The following SLC25A21 variants were observed in gnomAD, a reference collection of about 807,000 sequenced individuals.
SLC25A21 encodes solute carrier family 25 member 21, also known as mitochondrial 2-oxodicarboxylate carrier.
A neutral mutation model predicts 43.8 loss-of-function variants in SLC25A21; 47 were observed. That is an observed-to-expected ratio of 1.07 (90% CI 0.85 to 1.37). The LOEUF (loss-of-function observed/expected upper bound fraction) is 1.37, where lower values mean the gene tolerates loss of function less well. Among genes scored for constraint, SLC25A21 ranks in the 40% most tolerant of loss-of-function variants. The pLI, the probability that SLC25A21 is intolerant of heterozygous loss-of-function variation, is 0.00. For synonymous variants in SLC25A21, 131 were observed against 121.3 expected, an observed-to-expected ratio of 1.08 and a Z score of -0.52; for missense variants, 352 against 350.2, an observed-to-expected ratio of 1.00 and a Z score of -0.04.
chr14:36,780,906 T>C (rs1470214180), intron 3 of SLC25A21, among the ~76,000 whole-genome samples: 7 of 152,104 alleles, frequency 4.6e-5, no homozygotes, highest in Non-Finnish European at 7.4e-5. Context: ...GATCTATCCA[T>C]TGTTGCAAGT....
chr14:36,998,323 T>C (rs1960415590), intron 1 of SLC25A21, among the ~76,000 whole-genome samples: 1 of 152,166 alleles, frequency 6.6e-6, no homozygotes, highest in Non-Finnish European at 1.5e-5. Context: ...ACAGAAAATA[T>C]GCTGGAAAAT....
chr14:36,945,144 C>G (rs1892649958), intron 1 of SLC25A21, among the ~76,000 whole-genome samples: 1 of 152,072 alleles, frequency 6.6e-6, no homozygotes, highest in Non-Finnish European at 1.5e-5. Flanking sequence ...AAGTGGTTAC[C>G]CAGTCCATCA....
intron 2 of SLC25A21, among the ~76,000 whole-genome samples, chr14:36,834,264 T>C (rs1889132591): frequency 6.6e-6 from 1 of 152,214 alleles, no homozygotes; most frequent in African/African-American, 2.4e-5. Flanking sequence ...AAACTGACTT[T>C]CGATCAGGCA....
At chr14:36,983,371 T>C (rs894404141) in intron 1 of SLC25A21, among the ~76,000 whole-genome samples, 1 of 152,164 alleles carries the variant, frequency 6.6e-6, no homozygotes, top group African/African-American at 2.4e-5. Flanking sequence ...ACCTACTATA[T>C]GCCAGACATT....
chr14:36,728,370 T>C (rs1027059387), intron 5 of SLC25A21, among the ~76,000 whole-genome samples: 3 of 152,208 alleles, frequency 2.0e-5, no homozygotes, highest in Non-Finnish European at 4.4e-5. Flanking sequence ...GCTGGCCCTC[T>C]GGAGACAATA....
chr14:36,908,513 G>A (rs867710657), intron 1 of SLC25A21, among the ~76,000 whole-genome samples: 16 of 152,266 alleles, frequency 1.1e-4, no homozygotes, highest in African/African-American at 3.1e-4. Flanking sequence ...ATTATGCACC[G>A]CACTATCCAG....
At chr14:36,782,951 A>G (rs1887119087) in intron 3 of SLC25A21, among the ~76,000 whole-genome samples, 1 of 125,032 alleles carries the variant, frequency 8.0e-6, no homozygotes, top group South Asian at 2.8e-4. Flanking sequence ...TTAAAGTATA[A>G]TAAAAAAATA....
At chr14:36,893,612 C>T (rs562643323) in intron 1 of SLC25A21, among the ~76,000 whole-genome samples, 1 of 152,250 alleles carries the variant, frequency 6.6e-6, no homozygotes, top group South Asian at 2.1e-4. Flanking sequence ...ACATGAAGTC[C>T]TTGTCCATGC....
chr14:36,740,058 G>C (rs992946020), intron 3 of SLC25A21, among the ~76,000 whole-genome samples: 1 of 152,160 alleles, frequency 6.6e-6, no homozygotes, highest in African/African-American at 2.4e-5. Flanking sequence ...AGATGCCTGT[G>C]GACTGCAGCC....
In SLC25A21 at chr14:37,032,713, A is replaced by C. The variant is rs555804327; in HGVS notation, c.70+139568T>G. ...GAGAACAGATGAAACAAGATGGGGA[A>C]ATTTGTAACTGTCATTATAATTTAA... On this transcript the variant is annotated intron_variant, in intron 1 of 9. Transcript: ENST00000331299. Among the ~76,000 whole-genome samples, 5 of 152,084 alleles carry C rather than the reference A, an allele frequency of 3.3e-5. No individual in the cohort carries two copies. The South Asian group carries it at 1.0e-3, about 32-fold the overall frequency.
intron 3 of SLC25A21, among the ~76,000 whole-genome samples, chr14:36,740,847 C>A (rs372501089): frequency 7.9e-4 from 120 of 152,112 alleles, no homozygotes; most frequent in African/African-American, 2.8e-3. Context: ...TTTAGGTTAC[C>A]CTGTTTTTAA....
chr14:37,111,236 CA>C (rs1963014145), intron 1 of SLC25A21, among the ~76,000 whole-genome samples: 1 of 152,096 alleles, frequency 6.6e-6, no homozygotes, highest in South Asian at 2.1e-4. Context: ...CTGCTGTGGA[CA>C]AAAAGGCAGC....
At position 36,678,656 on chromosome 14, in the gene SLC25A21, A is replaced by C; in HGVS notation, c.*2002T>G. On this transcript the variant is annotated 3_prime_UTR_variant, in exon 10 of 10. Coordinates refer to ENST00000331299, the MANE Select transcript of SLC25A21 (RefSeq NM_030631.4). Reference sequence around the variant, plus strand: ...TTTTAGGTGGCTGTTAGGGGGCTTTAAAAAATATTACTTGCTTGTGTGGAA... The same window carrying C: ...TTTTAGGTGGCTGTTAGGGGGCTTTCAAAAATATTACTTGCTTGTGTGGAA... 8.0e-7 allele frequency: 1 copy of C among 1,251,090 alleles called. No individual in the cohort carries two copies. 77.5% of individuals were successfully genotyped at this position (1,251,090 alleles called of 1,614,324 possible). A position where few individuals can be genotyped will look rare whatever the true frequency, so the allele number is the denominator to read the frequency against.
At chr14:36,900,653 A>G (rs17177739) in intron 1 of SLC25A21, among the ~76,000 whole-genome samples, 5,536 of 152,228 alleles carry the variant, frequency 0.036, 170 homozygotes, top group African/African-American at 0.08. Flanking sequence ...GCAAACTTGG[A>G]AAGGAAATGA....
At chr14:36,706,130 C>T (rs1232134026) in intron 7 of SLC25A21, among the ~76,000 whole-genome samples, 1 of 152,028 alleles carries the variant, frequency 6.6e-6, no homozygotes, top group East Asian at 1.9e-4. Context: ...AAACACCCAC[C>T]AGTGTTCATT....
intron 1 of SLC25A21, among the ~76,000 whole-genome samples, chr14:36,972,401 G>A: frequency 6.6e-6 from 1 of 152,068 alleles, no homozygotes; most frequent in Non-Finnish European, 1.5e-5. Flanking sequence ...GGATACCAAG[G>A]AAAATATAAG....
intron 1 of SLC25A21, among the ~76,000 whole-genome samples, chr14:36,956,266 G>A (rs1279504214): frequency 6.6e-6 from 1 of 152,112 alleles, no homozygotes; most frequent in Non-Finnish European, 1.5e-5. Context: ...CATAGTACAC[G>A]CAGTTTATTT....
At chr14:36,989,404 A>T (rs1431541195) in intron 1 of SLC25A21, among the ~76,000 whole-genome samples, 1 of 152,064 alleles carries the variant, frequency 6.6e-6, no homozygotes, top group East Asian at 1.9e-4. Flanking sequence ...TTTCTTCTTT[A>T]AATATTGGGA....
intron 1 of SLC25A21, among the ~76,000 whole-genome samples, chr14:36,977,292 C>A (rs1421050012): frequency 1.3e-5 from 2 of 152,138 alleles, no homozygotes; most frequent in Non-Finnish European, 2.9e-5. Flanking sequence ...CCCCTTCCTG[C>A]TATGAAGGAG....
Sources: gnomAD v4.1 joint callset for allele counts (sites outside exome capture counted in the v4.1 genomes callset) on GRCh38, gnomAD v4.1.1 for gene constraint, MANE v1.5 for transcripts, NCBI Gene and HGNC (gene_info 2026-07-23, HGNC 2026-07-21) for gene names.